CPAMD8: variants seen among roughly 807,000 people sequenced by gnomAD.
CPAMD8 encodes the protein C3 and PZP-like alpha-2-macroglobulin domain-containing protein 8.
Under a neutral mutation model 224.7 loss-of-function variants are expected in CPAMD8, and 146 were observed. That is an observed-to-expected ratio of 0.65 (90% CI 0.57 to 0.75). CPAMD8 has a LOEUF of 0.75. Among genes scored for constraint, CPAMD8 ranks in the 30% least tolerant of loss-of-function variants. The pLI is 0.00. For synonymous variants in CPAMD8, 966 were observed against 1,044.6 expected (o/e 0.92, Z 1.45); for missense variants, 2,301 against 2,537.5 (o/e 0.91, Z 2.00).
At chr19:16,970,193 C>T (rs2055006587) in intron 18 of CPAMD8, among the ~76,000 whole-genome samples, 2 of 140,282 alleles carry the variant, frequency 1.4e-5, no homozygotes, top group African/African-American at 2.7e-5. Context: ...GAGCTGAGAT[C>T]GCACTACTGC....
intron 13 of CPAMD8, among the ~76,000 whole-genome samples, chr19:16,985,002 C>A (rs2055663958): frequency 6.6e-6 from 1 of 152,140 alleles, no homozygotes; most frequent in Non-Finnish European, 1.5e-5. Context: ...CATTGAAAAT[C>A]TGAATATTGC....
chr19:16,941,775 C>A (rs2053899512), intron 22 of CPAMD8, among the ~76,000 whole-genome samples: 1 of 151,822 alleles, frequency 6.6e-6, no homozygotes, highest in East Asian at 1.9e-4. Context: ...GAGATTGAGA[C>A]CAGCCTGGCC....
chr19:16,941,582 G>A (rs2053890639), intron 22 of CPAMD8, among the ~76,000 whole-genome samples: 1 of 152,188 alleles, frequency 6.6e-6, no homozygotes, highest in African/African-American at 2.4e-5. Context: ...CTCAATGTTG[G>A]AAGAGGGGCC....
intron 41 of CPAMD8, 131 bp downstream of exon 41, chr19:16,896,045 T>C: frequency 1.0e-6 from 1 of 975,668 alleles, no homozygotes; most frequent in African/African-American, 1.7e-5. Flanking sequence ...CCTGAGTCAC[T>C]CCCACTGCCA....
intron 3 of CPAMD8, among the ~76,000 whole-genome samples, 170 bp from the exon 4 acceptor site, chr19:17,011,927 G>C (rs892590720): frequency 1.3e-5 from 2 of 152,192 alleles, no homozygotes; most frequent in African/African-American, 2.4e-5. Context: ...ATAGCTTTGG[G>C]GGTGGGGATT....
At chr19:16,915,131 G>C (rs1439994814) in intron 27 of CPAMD8, among the ~76,000 whole-genome samples, 2 of 152,150 alleles carry the variant, frequency 1.3e-5, no homozygotes, top group African/African-American at 4.8e-5. Context: ...TGCCATGTGA[G>C]GAAGACCCTT....
At chr19:16,921,319 G>A (rs1191203714) in intron 27 of CPAMD8, among the ~76,000 whole-genome samples, 2 of 152,074 alleles carry the variant, frequency 1.3e-5, no homozygotes, top group Non-Finnish European at 2.9e-5. Context: ...GGAGTCCGGC[G>A]ATGGGTACAG....
At position 16,898,516 on chromosome 19, in the gene CPAMD8, G is replaced by A. The variant is rs1443914965; in HGVS notation, c.4849-522C>T. Reference sequence around the variant, plus strand: ...GCTGAGCATGTGTGGGTGGGAGTCAGCACATTCACGATACTGTGCAATCAT... The same window carrying A: ...GCTGAGCATGTGTGGGTGGGAGTCAACACATTCACGATACTGTGCAATCAT... On this transcript the variant is annotated intron_variant, in intron 37 of 41. Transcript: ENST00000443236. This position sits in a 1 kb window ranked among gnomAD's most constrained non-coding sequence, Gnocchi z 4.2. 6.6e-6 allele frequency among the ~76,000 whole-genome samples: 1 copy of A among 152,084 alleles called. No homozygotes were observed. Among genetic ancestry groups the A allele is most frequent in the Non-Finnish European group, 1.5e-5 (1 of 68,018 alleles).
rs10426545 is a variant in CPAMD8 at position 17,002,273 on chromosome 19, G to T, written c.751C>A (p.Arg251=). The T allele has an allele frequency of 4.7e-5, 75 of 1,593,276 alleles. No homozygotes were observed. Among genetic ancestry groups the T allele is most frequent in the Non-Finnish European group, 6.0e-5 (70 of 1,167,314 alleles). The change falls in exon 9 of 42, where the codon CGG becomes AGG. Residue 251 remains arginine (R), a synonymous_variant. Coordinates refer to ENST00000443236, the MANE Select transcript of CPAMD8 (RefSeq NM_015692.5). Reference sequence around the variant, plus strand: ...GGGGTCCCTCTTTCTCACCTGGCCCGCACAGTGCCTGTCTCACAGGCGTCC... The same window carrying T: ...GGGGTCCCTCTTTCTCACCTGGCCCTCACAGTGCCTGTCTCACAGGCGTCC... ...DLDACETGTV[R]ARYTFGKPVA...
At chr19:17,012,551 ATT>A (rs556712670) in intron 3 of CPAMD8, among the ~76,000 whole-genome samples, 25 of 142,588 alleles carry the variant, frequency 1.8e-4, no homozygotes, top group African/African-American at 6.3e-4. Flanking sequence ...GTCTCACTCT[ATT>A]GCCCAGGCTG....
intron 25 of CPAMD8, among the ~76,000 whole-genome samples, chr19:16,925,932 TA>T (rs1369354686): frequency 1.3e-5 from 2 of 152,042 alleles, no homozygotes; most frequent in Non-Finnish European, 2.9e-5. Context: ...TTTTTATTTT[TA>T]TTTTTTTAGT....
At chr19:16,969,945 C>A (rs1568542508) in intron 18 of CPAMD8, among the ~76,000 whole-genome samples, 1 of 149,996 alleles carries the variant, frequency 6.7e-6, no homozygotes, top group Non-Finnish European at 1.5e-5. Context: ...TTTAAAAACA[C>A]CTATTATTGC....
intron 17 of CPAMD8, among the ~76,000 whole-genome samples, chr19:16,972,533 T>C (rs1301452634): frequency 2.0e-5 from 3 of 151,930 alleles, no homozygotes; most frequent in Non-Finnish European, 4.4e-5. Flanking sequence ...CCCAGGTTCA[T>C]GCCATTCTCT....
chr19:16,959,026 T>C (rs1422609076), intron 18 of CPAMD8, among the ~76,000 whole-genome samples: 1 of 152,076 alleles, frequency 6.6e-6, no homozygotes, highest in East Asian at 1.9e-4. Flanking sequence ...CTCAAAATCC[T>C]GACCTCAGGT....
chr19:16,928,436 T>A (rs2053442361), intron 24 of CPAMD8, among the ~76,000 whole-genome samples: 1 of 152,172 alleles, frequency 6.6e-6, no homozygotes, highest in Admixed American at 6.5e-5. Flanking sequence ...AGGCATGGCA[T>A]CTACAGGTTC....
chr19:17,009,749 G>A (rs2056597597), intron 5 of CPAMD8, among the ~76,000 whole-genome samples: 2 of 152,052 alleles, frequency 1.3e-5, no homozygotes, highest in South Asian at 4.2e-4. Context: ...ACTCCAGCCT[G>A]GGTGACACAG....
intron 15 of CPAMD8, among the ~76,000 whole-genome samples, chr19:16,977,093 G>C (rs1483429045): frequency 3.3e-5 from 5 of 152,094 alleles, no homozygotes; most frequent in Non-Finnish European, 5.9e-5. Context: ...AGAGGAGGCT[G>C]AGGGTGCCAA....
intron 38 of CPAMD8, 44 bp from the exon 39 acceptor site, chr19:16,897,845 G>A (rs375288072): frequency 1.4e-5 from 22 of 1,579,716 alleles, no homozygotes; most frequent in African/African-American, 4.0e-5. Context: ...GGCGCGACGG[G>A]TCAGGGACCG....
intron 22 of CPAMD8, among the ~76,000 whole-genome samples, chr19:16,943,406 C>T (rs147932487): frequency 2.7e-4 from 40 of 149,954 alleles, no homozygotes; most frequent in Non-Finnish European, 1.3e-4. Flanking sequence ...TTTATTTATT[C>T]ATTCATTCAT....
Sources: gnomAD v4.1 joint callset for allele counts (sites outside exome capture counted in the v4.1 genomes callset) on GRCh38, gnomAD v4.1.1 for gene constraint, Gnocchi (gnomAD v3.1) non-coding constraint, MANE v1.5 for transcripts, NCBI Gene and HGNC (gene_info 2026-07-23, HGNC 2026-07-21) for gene names.